The following BCAS3 variants were observed in gnomAD, a reference collection of about 807,000 sequenced individuals.
The protein encoded by BCAS3 is BCAS3 microtubule associated cell migration factor, also known as BCAS4/BCAS3 fusion.
Under a neutral mutation model 116.1 loss-of-function variants are expected in BCAS3, and 53 were observed. The ratio of observed to expected loss-of-function variants is 0.46; its 90% CI spans 0.37 to 0.57. The LOEUF is 0.57. Ranked by LOEUF, BCAS3 falls within the 20% of genes least tolerant of loss-of-function variation. BCAS3 has a pLI of 0.00. For synonymous variants in BCAS3, 391 were observed against 408.2 expected (o/e 0.96, Z 0.51); for missense variants, 917 against 1,165.4 (o/e 0.79, Z 3.10).
intron 6 of BCAS3, among the ~76,000 whole-genome samples, chr17:60,783,741 T>C (rs2046029605): frequency 6.6e-6 from 1 of 152,198 alleles, no homozygotes; most frequent in African/African-American, 2.4e-5. Context: ...CTTATTTGCC[T>C]TTTTTTCCTG....
intron 4 of BCAS3, among the ~76,000 whole-genome samples, chr17:60,694,966 A>G (rs555025195): frequency 3.7e-4 from 57 of 152,010 alleles, no homozygotes; most frequent in African/African-American, 1.2e-3. Flanking sequence ...TACTTTAGGG[A>G]CCTCACATGG....
chr17:60,799,520 G>GTTT (rs200098763), intron 6 of BCAS3, among the ~76,000 whole-genome samples: 6,972 of 116,472 alleles, frequency 0.06, 996 homozygotes, highest in African/African-American at 0.16. Flanking sequence ...TGAGATTAGT[G>GTTT]TTTGTTTTTT....
chr17:61,340,921 A>G (rs1041266526), intron 22 of BCAS3, among the ~76,000 whole-genome samples: 1 of 152,220 alleles, frequency 6.6e-6, no homozygotes, highest in Non-Finnish European at 1.5e-5. Flanking sequence ...TAGGATTGTG[A>G]TGAGATTTGC....
intron 2 of BCAS3, among the ~76,000 whole-genome samples, chr17:60,681,249 C>A (rs2033056648): frequency 6.6e-6 from 1 of 151,958 alleles, no homozygotes; most frequent in South Asian, 2.1e-4. Flanking sequence ...CCTGTAATCC[C>A]AGCATTTTGG....
chr17:61,329,442 G>A (rs1018814982), intron 22 of BCAS3, among the ~76,000 whole-genome samples: 8 of 150,370 alleles, frequency 5.3e-5, no homozygotes, highest in Non-Finnish European at 1.2e-4. Context: ...CCGAGTTCAC[G>A]CCATTCTCCT....
intron 22 of BCAS3, among the ~76,000 whole-genome samples, chr17:61,094,868 A>G (rs559736353): frequency 5.3e-4 from 81 of 152,350 alleles, no homozygotes; most frequent in Middle Eastern, 3.4e-3. Context: ...CTCATTAAAT[A>G]AGTAGTGATA....
intron 16 of BCAS3, among the ~76,000 whole-genome samples, chr17:61,027,694 A>G (rs999885871): frequency 6.6e-6 from 1 of 151,928 alleles, no homozygotes; most frequent in Non-Finnish European, 1.5e-5. Flanking sequence ...CTTACTAGCT[A>G]TATGATTTGG....
chr17:60,803,517 T>C (rs1050853175), intron 6 of BCAS3, among the ~76,000 whole-genome samples: 1 of 152,166 alleles, frequency 6.6e-6, no homozygotes, highest in African/African-American at 2.4e-5. Flanking sequence ...GGGTTATATA[T>C]TTTTAAAGTA....
At chr17:60,970,147 A>G (rs1452477575) in intron 14 of BCAS3, among the ~76,000 whole-genome samples, 1 of 152,208 alleles carries the variant, frequency 6.6e-6, no homozygotes, top group African/African-American at 2.4e-5. Flanking sequence ...GTATTGTATT[A>G]TATGTACATG....
At chr17:61,109,058 T>A (rs949523295) in intron 22 of BCAS3, among the ~76,000 whole-genome samples, 2 of 151,806 alleles carry the variant, frequency 1.3e-5, no homozygotes, top group Non-Finnish European at 2.9e-5. Context: ...TGGTAGTACA[T>A]GCCTGTAATC....
rs71370187 is a variant in BCAS3, at chr17:61,089,509, C to CTTTTTTTTTTTTTTT, written c.2425+4969_2425+4983dup. Among the ~76,000 whole-genome samples the CTTTTTTTTTTTTTTT allele has an allele frequency of 4.5e-4, 12 of 26,748 alleles. 5 individuals are homozygous for CTTTTTTTTTTTTTTT. The highest frequency in any genetic ancestry group is 6.0e-4 in the Non-Finnish European group (9 of 14,942). 17.5% of individuals were successfully genotyped at this position (26,748 alleles called of 152,430 possible). On this transcript the variant is annotated intron_variant, in intron 22 of 23. Transcript: ENST00000407086. ...TTTTTCTTCGAGACGGAGTTTCACT[C>CTTTTTTTTTTTTTTT]TTTTTTTTTTTTTTTTTTTTTTTTT...
intron 6 of BCAS3, among the ~76,000 whole-genome samples, chr17:60,778,817 C>A (rs1568231828): frequency 6.6e-6 from 1 of 152,024 alleles, no homozygotes; most frequent in Non-Finnish European, 1.5e-5. Context: ...TAGTAGTATT[C>A]TTTTGGTTGA....
chr17:60,971,967 G>A (rs1007836792), intron 14 of BCAS3, among the ~76,000 whole-genome samples: 1 of 152,166 alleles, frequency 6.6e-6, no homozygotes, highest in East Asian at 1.9e-4. Context: ...GGCAGGTGGC[G>A]ATGTTGTACT....
rs1341320264 is a variant in BCAS3, at chr17:61,068,050, TG to T, written c.2030-6869del. Among the ~76,000 whole-genome samples the T allele has an allele frequency of 6.6e-6, 1 of 152,148 alleles. No homozygotes were observed. The highest frequency in any genetic ancestry group is 1.5e-5 in the Non-Finnish European group (1 of 68,032). ...TTCAGTTTGGCAGATAAGGTGTGTT[TG>T]AAAATTACTGTACTAAGAACATGGC... On this transcript the variant is annotated intron_variant, in intron 19 of 23. Transcript: ENST00000407086. The surrounding 1 kb of genome is among the most constrained non-coding windows in gnomAD (Gnocchi z 4.3).
At chr17:60,733,020 ATCAT>A (rs1342903530) in intron 5 of BCAS3, among the ~76,000 whole-genome samples, 1 of 152,194 alleles carries the variant, frequency 6.6e-6, no homozygotes, top group Non-Finnish European at 1.5e-5. Context: ...TATAGACTGA[ATCAT>A]TCATTCATCA....
At chr17:60,690,543 C>G (rs999206883) in intron 4 of BCAS3, among the ~76,000 whole-genome samples, 1 of 151,244 alleles carries the variant, frequency 6.6e-6, no homozygotes, top group Non-Finnish European at 1.5e-5. Context: ...GCACTCCAGC[C>G]TGGGTGATGG....
intron 22 of BCAS3, among the ~76,000 whole-genome samples, chr17:61,142,512 A>G (rs1359142451): frequency 6.6e-6 from 1 of 151,574 alleles, no homozygotes; most frequent in African/African-American, 2.4e-5. Flanking sequence ...CTAGATTTGT[A>G]TAGTGCCCTG....
At position 61,215,357 on chromosome 17, in the gene BCAS3, C is replaced by G. The variant is rs1488727858; in HGVS notation, c.2425+130793C>G. Among the ~76,000 whole-genome samples, 1 of 152,146 alleles carries G rather than the reference C, an allele frequency of 6.6e-6. No homozygotes were observed. The highest frequency in any genetic ancestry group is 2.4e-5 in the African/African-American group (1 of 41,440). On this transcript the variant is annotated intron_variant, in intron 22 of 23. Transcript: ENST00000407086. This position sits in a 1 kb window ranked among gnomAD's most constrained non-coding sequence, Gnocchi z 4.8. ...TTTACTCATCACTGTCAGTAACTAG[C>G]TCTCTGTCCTTCTGACACTTCACCT...
chr17:60,818,415 C>T (rs959340462), intron 7 of BCAS3, among the ~76,000 whole-genome samples: 5 of 152,032 alleles, frequency 3.3e-5, no homozygotes, highest in Admixed American at 6.6e-5. Flanking sequence ...TTTATTTCAA[C>T]GTTTGTCTAA....
Sources: allele counts gnomAD v4.1 joint callset (sites outside exome capture counted in the v4.1 genomes callset), GRCh38; gene constraint gnomAD v4.1.1; non-coding constraint Gnocchi (gnomAD v3.1); transcripts MANE v1.5; gene names NCBI Gene and HGNC (gene_info 2026-07-23, HGNC 2026-07-21).